The following MYO16 variants were observed in gnomAD, a reference collection of about 807,000 sequenced individuals.
MYO16 encodes unconventional myosin-XVI.
In MYO16, 94 loss-of-function variants were observed where a neutral mutation model predicts 205.3. The observed-to-expected ratio is 0.46, with a 90% CI of 0.39 to 0.54. The LOEUF (loss-of-function observed/expected upper bound fraction) is 0.54. Among genes scored for constraint, MYO16 ranks in the 20% least tolerant of loss-of-function variants. The pLI, the probability that MYO16 is intolerant of heterozygous loss-of-function variation, is 0.00. For synonymous variants in MYO16, 988 were observed against 954.0 expected, an observed-to-expected ratio of 1.04 and a Z score of -0.66; for missense variants, 2,315 against 2,387.5, an observed-to-expected ratio of 0.97 and a Z score of 0.63.
At chr13:108,850,403 C>T (rs1473188603) in intron 10 of MYO16, among the ~76,000 whole-genome samples, 1 of 152,236 alleles carries the variant, frequency 6.6e-6, no homozygotes, top group Non-Finnish European at 1.5e-5. Context: ...GATCGCAAAA[C>T]ATTTCTCAAG....
intron 9 of MYO16, among the ~76,000 whole-genome samples, chr13:108,838,393 G>A (rs1017173590): frequency 1.4e-4 from 21 of 151,716 alleles, no homozygotes; most frequent in Non-Finnish European, 2.8e-4. Context: ...GGTGGCTTAC[G>A]CCTGTAATCC....
chr13:108,893,439 A>G (rs1473223939), intron 14 of MYO16, among the ~76,000 whole-genome samples: 1 of 152,208 alleles, frequency 6.6e-6, no homozygotes, highest in African/African-American at 2.4e-5. Context: ...AATTGGTTGC[A>G]TTAGAAGGTA....
rs115862473 is a variant in MYO16 at position 109,108,583 on chromosome 13, A to G, written c.3438+7696A>G. ...ACTGATCACCATATGAGTTCCCCCAAATTAGGCAAGGCAATTGCGATGGCT... is the reference window on the plus strand; with the variant it reads ...ACTGATCACCATATGAGTTCCCCCAGATTAGGCAAGGCAATTGCGATGGCT... On this transcript the variant is annotated intron_variant, in intron 28 of 34. Coordinates refer to ENST00000457511, the MANE Select transcript of MYO16 (RefSeq NM_001198950.3). Among the ~76,000 whole-genome samples the G allele has an allele frequency of 5.6e-3, 846 of 152,294 alleles. 10 individuals are homozygous for G. The highest frequency in any genetic ancestry group is 0.019 in the African/African-American group (801 of 41,556).
At chr13:108,631,949 G>A (rs920175634) in intron 1 of MYO16, among the ~76,000 whole-genome samples, 2 of 151,934 alleles carry the variant, frequency 1.3e-5, no homozygotes, top group African/African-American at 2.4e-5. Context: ...GTGGTGGTGG[G>A]AGCCTGTAAT....
chr13:108,723,782 A>G (rs1459623041), intron 3 of MYO16, among the ~76,000 whole-genome samples: 2 of 152,184 alleles, frequency 1.3e-5, no homozygotes, highest in Non-Finnish European at 2.9e-5. Flanking sequence ...CCACCACCCT[A>G]AAGTTCTTTG....
intron 4 of MYO16, among the ~76,000 whole-genome samples, chr13:108,736,875 T>C (rs1227078379): frequency 1.3e-5 from 2 of 152,222 alleles, no homozygotes; most frequent in Non-Finnish European, 2.9e-5. Context: ...TAAGTTGGAT[T>C]CCTAGGTATT....
the MYO16 span, among the ~76,000 whole-genome samples, chr13:108,573,393 C>T: frequency 6.6e-6 from 1 of 152,098 alleles, no homozygotes; most frequent in South Asian, 2.1e-4. Context: ...AAATGTAGGA[C>T]TTTTAAAAAT....
At chr13:109,023,468 A>C (rs1483540391) in intron 23 of MYO16, among the ~76,000 whole-genome samples, 11 of 105,652 alleles carry the variant, frequency 1.0e-4, no homozygotes, top group Non-Finnish European at 1.5e-4. Flanking sequence ...TTTATATATT[A>C]TACAGATATA....
chr13:108,516,257 C>T, the MYO16 span, among the ~76,000 whole-genome samples: 1 of 151,552 alleles, frequency 6.6e-6, no homozygotes, highest in East Asian at 2.0e-4. Flanking sequence ...GTCCGTCACC[C>T]CTTTCTTTGA....
chr13:108,909,295 G>A (rs1343253888), intron 15 of MYO16, among the ~76,000 whole-genome samples: 3 of 152,052 alleles, frequency 2.0e-5, no homozygotes, highest in Admixed American at 6.6e-5. Context: ...ATTTTGTAAA[G>A]TTTTGAAAAC....
intron 9 of MYO16, among the ~76,000 whole-genome samples, chr13:108,834,671 CACAT>C (rs534556761): frequency 0.071 from 1,685 of 23,844 alleles, 37 homozygotes; most frequent in African/African-American, 0.13. Flanking sequence ...CTCTCTCTCA[CACAT>C]ATATATATGT....
At chr13:109,183,126 T>A (rs952090198) in intron 34 of MYO16, among the ~76,000 whole-genome samples, 1 of 152,254 alleles carries the variant, frequency 6.6e-6, no homozygotes, top group African/African-American at 2.4e-5. Context: ...TTTATCTACT[T>A]ACCATTTTAT....
chr13:108,933,019 C>T (rs143817284), intron 16 of MYO16, among the ~76,000 whole-genome samples: 4 of 151,844 alleles, frequency 2.6e-5, no homozygotes, highest in East Asian at 3.9e-4. Flanking sequence ...TGCCTGCGAA[C>T]GACAGAGAAA....
At chr13:108,641,394 G>A (rs12428974) in intron 1 of MYO16, among the ~76,000 whole-genome samples, 5,327 of 152,254 alleles carry the variant, frequency 0.035, 138 homozygotes, top group South Asian at 0.13. Flanking sequence ...GGAAAGGCAG[G>A]CACAAATTAA....
intron 33 of MYO16, among the ~76,000 whole-genome samples, chr13:109,172,002 A>T (rs1463340014): frequency 6.6e-6 from 1 of 152,174 alleles, no homozygotes; most frequent in Non-Finnish European, 1.5e-5. Context: ...GGACCAGGAA[A>T]TCTGCATTCT....
rs574845075 is a variant in MYO16, at chr13:108,852,520, T to C, written c.1249-2923T>C. On this transcript the variant is annotated intron_variant, in intron 10 of 34. Coordinates refer to ENST00000457511, the MANE Select transcript of MYO16 (RefSeq NM_001198950.3). The stretch of plus-strand genomic sequence containing the variant: ...TGCTATAACAATGAATGCCAAAATT[T>C]TAAAAAAATGTTATTCAGCAGAAGA... 2.0e-5 allele frequency among the ~76,000 whole-genome samples: 3 copies of C among 152,228 alleles called. No individual in the cohort carries two copies. The East Asian group carries it at 5.8e-4, about 29-fold the overall frequency.
At chr13:108,941,256 A>G (rs1372843811) in intron 16 of MYO16, among the ~76,000 whole-genome samples, 1 of 152,126 alleles carries the variant, frequency 6.6e-6, no homozygotes, top group Non-Finnish European at 1.5e-5. Context: ...AAGCAGCCAG[A>G]CAGGAGAGGT....
chr13:108,523,428 T>C, the MYO16 span, among the ~76,000 whole-genome samples: 1 of 152,244 alleles, frequency 6.6e-6, no homozygotes, highest in African/African-American at 2.4e-5. Context: ...CCATGACGTT[T>C]CTGGCAGTAG....
At chr13:108,772,183 T>C (rs990522291) in intron 4 of MYO16, among the ~76,000 whole-genome samples, 3 of 149,960 alleles carry the variant, frequency 2.0e-5, no homozygotes, top group Non-Finnish European at 4.5e-5. Flanking sequence ...ACCCAGTTTC[T>C]GCAAAAAAAA....
Sources: gnomAD v4.1 joint callset for allele counts (sites outside exome capture counted in the v4.1 genomes callset) on GRCh38, gnomAD v4.1.1 for gene constraint, MANE v1.5 for transcripts, NCBI Gene and HGNC (gene_info 2026-07-23, HGNC 2026-07-21) for gene names.